CRB1: variants seen among roughly 807,000 people sequenced by gnomAD.
The protein encoded by CRB1 is protein crumbs homolog 1.
In CRB1, 83 loss-of-function variants were observed where a neutral mutation model predicts 120.0. The observed-to-expected ratio is 0.69, with a 90% confidence interval of 0.58 to 0.83. The LOEUF is 0.83. CRB1 is among the 40% of genes least tolerant of loss of function. The probability of loss-of-function intolerance (pLI) is 0.00; values close to 1 mark genes in which losing one functional copy is unlikely to be tolerated. For synonymous variants in CRB1, 625 were observed against 612.5 expected, an observed-to-expected ratio of 1.02 and a Z score of -0.30; for missense variants, 1,699 against 1,687.6, an observed-to-expected ratio of 1.01 and a Z score of -0.12.
intron 1 of CRB1, among the ~76,000 whole-genome samples, chr1:197,327,173 C>T (rs1658567487): frequency 6.7e-6 from 1 of 149,404 alleles, no homozygotes; most frequent in Admixed American, 6.7e-5. Flanking sequence ...GCCTGGTACC[C>T]ATCTGTTGCC....
chr1:197,252,637 TAC>T, the CRB1 span, among the ~76,000 whole-genome samples: 88 of 120,694 alleles, frequency 7.3e-4, 1 homozygote, highest in East Asian at 6.8e-3. Flanking sequence ...GTGTTTATAT[TAC>T]ACACACACAC....
chr1:197,427,512 T>C lies in CRB1; in HGVS notation c.2187T>C (p.Leu729=), dbSNP rs1664646759. The C allele has an allele frequency of 1.2e-6, 2 of 1,613,964 alleles. No individual in the cohort carries two copies. Among genetic ancestry groups the C allele is most frequent in the Admixed American group, 1.7e-5 (1 of 59,962 alleles). The stretch of plus-strand genomic sequence containing the variant: ...CCACTGGTTATGTCATCTTTACTCT[T>C]GATGAGAGCTATGGAGACACCATCA... The part of the protein sequence containing the change: ...DDSTGYVIFT[L]DESYGDTISL... The change falls in exon 7 of 12, where the codon CTT becomes CTC. Residue 729 remains leucine (L), a synonymous_variant. Coordinates refer to ENST00000367400, the MANE Select transcript of CRB1 (RefSeq NM_201253.3).
At chr1:197,355,026 T>G (rs371384065) in intron 4 of CRB1, among the ~76,000 whole-genome samples, 16 of 150,916 alleles carry the variant, frequency 1.1e-4, no homozygotes, top group Non-Finnish European at 1.8e-4. Flanking sequence ...GCCATAAAGA[T>G]TCTCCAAGTC....
intron 2 of CRB1, among the ~76,000 whole-genome samples, chr1:197,341,242 G>T (rs974990073): frequency 6.6e-6 from 1 of 152,114 alleles, no homozygotes; most frequent in African/African-American, 2.4e-5. Context: ...ATTCTAGACG[G>T]TATCAGGAGG....
At chr1:197,354,674 G>A (rs1660336896) in intron 4 of CRB1, among the ~76,000 whole-genome samples, 1 of 152,060 alleles carries the variant, frequency 6.6e-6, no homozygotes, top group South Asian at 2.1e-4. Context: ...AGCTCATAAA[G>A]TCAGTGTGGA....
At chr1:197,451,160 T>G (rs1458313719) in intron 11 of CRB1, among the ~76,000 whole-genome samples, 1 of 152,120 alleles carries the variant, frequency 6.6e-6, no homozygotes, top group Admixed American at 6.5e-5. Flanking sequence ...TCAGAAATAG[T>G]GTAGAGAATA....
intron 2 of CRB1, among the ~76,000 whole-genome samples, chr1:197,329,506 C>T (rs541035069): frequency 2.1e-4 from 32 of 152,256 alleles, no homozygotes; most frequent in South Asian, 1.2e-3. Context: ...AAAGCCTGTT[C>T]TTGTTTTACG....
intron 1 of CRB1, among the ~76,000 whole-genome samples, chr1:197,288,245 A>C (rs1175492492): frequency 6.6e-6 from 1 of 151,854 alleles, no homozygotes; most frequent in East Asian, 1.9e-4. Context: ...GATTAGAGAT[A>C]ATAATGCCCA....
Position 197,354,140 on chromosome 1 carries a change from G to T in CRB1, c.989-2691G>T, listed in dbSNP as rs1284863715. On this transcript the variant is annotated intron_variant, in intron 4 of 11. Coordinates refer to ENST00000367400, the MANE Select transcript of CRB1 (RefSeq NM_201253.3). ...CCAGCTGGTAAAATTTATATATTTG[G>T]TGATAGCAAAGGTTGGCAAACGTTT... Among the ~76,000 whole-genome samples the T allele has an allele frequency of 2.0e-5, 3 of 152,178 alleles. No homozygotes were observed. In the East Asian group the frequency reaches 5.8e-4, roughly 29 times the overall value.
chr1:197,213,611 T>C, the CRB1 span, among the ~76,000 whole-genome samples: 1 of 152,224 alleles, frequency 6.6e-6, no homozygotes, highest in African/African-American at 2.4e-5. Flanking sequence ...AAACATTTTC[T>C]AGGCTAGATC....
At chr1:197,414,294 A>C (rs1663860116) in intron 5 of CRB1, among the ~76,000 whole-genome samples, 1 of 152,172 alleles carries the variant, frequency 6.6e-6, no homozygotes, top group Non-Finnish European at 1.5e-5. Context: ...ATATATATCT[A>C]GGGTAAATTA....
At chr1:197,423,458 T>C (rs1374465654) in intron 6 of CRB1, among the ~76,000 whole-genome samples, 1 of 152,216 alleles carries the variant, frequency 6.6e-6, no homozygotes, top group East Asian at 1.9e-4. Context: ...GAGAGAGTTC[T>C]GTGAAATCTT....
chr1:197,344,294 A>G lies in CRB1; in HGVS notation c.666A>G (p.Glu222=). The G allele has an allele frequency of 6.2e-7, 1 of 1,614,142 alleles. No individual in the cohort carries two copies. The highest frequency in any genetic ancestry group is 1.1e-5 in the South Asian group (1 of 91,070). ...CPHNYSGVNC[E]LEIDECWSQP... ...CTTTTTTAAAAGGTGTAAACTGTGA[A>G]TTGGAAATTGACGAATGTTGGTCCC... The change falls in exon 3 of 12, where the codon GAA becomes GAG. Residue 222 remains glutamate (E), a synonymous_variant. Transcript: ENST00000367400.
At chr1:197,276,350 A>C (rs1479404216) in intron 1 of CRB1, among the ~76,000 whole-genome samples, 1 of 151,822 alleles carries the variant, frequency 6.6e-6, no homozygotes, top group Non-Finnish European at 1.5e-5. Flanking sequence ...ATAATTAATA[A>C]ATATTAAAAT....
In CRB1 at chr1:197,421,337, C is replaced by G; in HGVS notation, c.1509C>G (p.Thr503=). 1 of 1,614,204 alleles carries G rather than the reference C, an allele frequency of 6.2e-7. No homozygotes were observed. The highest frequency in any genetic ancestry group is 8.5e-7 in the Non-Finnish European group (1 of 1,180,036). The change falls in exon 6 of 12, where the codon ACC becomes ACG. Residue 503 remains threonine, a synonymous_variant. Transcript: ENST00000367400. ...GGGTCAAAAGTGGCTCAGTGACAACCAAGGGCTCAGTTTGTAACATAGCCC... is the reference window on the plus strand; with the variant it reads ...GGGTCAAAAGTGGCTCAGTGACAACGAAGGGCTCAGTTTGTAACATAGCCC... ...FLWVKSGSVT[T]KGSVCNIALR...
intron 5 of CRB1, 147 bp downstream of exon 5, chr1:197,357,160 A>G (rs1329021551): frequency 2.6e-6 from 2 of 777,874 alleles, no homozygotes; most frequent in Admixed American, 4.0e-5. Flanking sequence ...GGGCATGAAA[A>G]GTATCTTGTT....
chr1:197,210,883 C>T, the CRB1 span, among the ~76,000 whole-genome samples: 1 of 152,044 alleles, frequency 6.6e-6, no homozygotes, highest in African/African-American at 2.4e-5. Flanking sequence ...GCTGATCTCT[C>T]ATGGCCTTAA....
Position 197,329,129 on chromosome 1 carries a change from A to G in CRB1, c.652+126A>G, listed in dbSNP as rs529306400. 4.9e-5 allele frequency: 41 copies of G among 835,040 alleles called. No individual in the cohort carries two copies. The East Asian group carries it at 6.3e-4, about 13-fold the overall frequency. The allele number at this position is 835,040 out of a possible 1,614,324, so 51.7% of individuals were successfully genotyped here. On this transcript the variant is annotated intron_variant, in intron 2 of 11. Coordinates refer to ENST00000367400, the MANE Select transcript of CRB1 (RefSeq NM_201253.3). ...ATGGCCAAGTTCTTGACAGGAATCA[A>G]TCACTAGATAGAAACTCCCTAAACT...
intron 1 of CRB1, among the ~76,000 whole-genome samples, chr1:197,310,210 G>T (rs1280504484): frequency 1.3e-5 from 2 of 152,054 alleles, no homozygotes; most frequent in South Asian, 2.1e-4. Flanking sequence ...GTTCAAGGAG[G>T]ATCCTGCCCT....
Sources: allele counts gnomAD v4.1 joint callset (sites outside exome capture counted in the v4.1 genomes callset), GRCh38; gene constraint gnomAD v4.1.1; transcripts MANE v1.5; gene names NCBI Gene and HGNC (gene_info 2026-07-23, HGNC 2026-07-21).